ATXN7L3B: variants seen among roughly 807,000 people sequenced by gnomAD.
The protein encoded by ATXN7L3B is ataxin-7-like protein 3B.
ATXN7L3B carries 4 observed loss-of-function variants against 6.3 expected under a neutral mutation model. The observed-to-expected ratio is 0.63, with a 90% confidence interval of 0.31 to 1.45. The LOEUF (loss-of-function observed/expected upper bound fraction) is 1.45. Among genes scored for constraint, ATXN7L3B ranks in the 40% most tolerant of loss-of-function variants. The pLI is 0.07. For synonymous variants in ATXN7L3B, 63 were observed against 48.0 expected, an observed-to-expected ratio of 1.31 and a Z score of -1.29; for missense variants, 120 against 118.5, an observed-to-expected ratio of 1.01 and a Z score of -0.06.
chr12:74,537,997 G>T lies in ATXN7L3B; in HGVS notation c.-116G>T. 1.0e-6 allele frequency: 1 copy of T among 980,046 alleles called. No homozygotes were observed. The allele number at this position is 980,046 out of a possible 1,614,324, so 60.7% of individuals were successfully genotyped here. On this transcript the variant is annotated 5_prime_UTR_variant, in exon 1 of 1. Coordinates refer to ENST00000519948, the MANE Select transcript of ATXN7L3B (RefSeq NM_001136262.2). ...TGCAGTTGCGGACGCCACCGACCCCGCCGCCGGAGGACTGGGCACTGAAAG... is the reference window on the plus strand; with the variant it reads ...TGCAGTTGCGGACGCCACCGACCCCTCCGCCGGAGGACTGGGCACTGAAAG...
rs781336704 is a variant in ATXN7L3B, at chr12:74,538,167, C to T, written c.55C>T (p.Gln19Ter). 6.3e-7 allele frequency: 1 copy of T among 1,589,624 alleles called. No individual in the cohort carries two copies. Among genetic ancestry groups the T allele is most frequent in the Non-Finnish European group, 8.6e-7 (1 of 1,167,928 alleles). Residue 19 changes from glutamine (Q) to a stop codon, truncating the protein, a stop_gained, in exon 1 of 1, where the codon CAG becomes TAG. Transcript: ENST00000519948. LOFTEE classifies it high-confidence loss of function. Reference protein sequence around the residue: ...LDTNKLEAIAQEIYVDLIEDS... With the variant: ...LDTNKLEAIA ...TACTAACAAGCTAGAGGCCATCGCTCAGGAGATTTACGTAGACCTGATAGA... is the reference window on the plus strand; with the variant it reads ...TACTAACAAGCTAGAGGCCATCGCTTAGGAGATTTACGTAGACCTGATAGA...
rs1443956434 is a variant in ATXN7L3B at position 74,540,351 on chromosome 12, CAG to C, written c.*1946_*1947del. On this transcript the variant is annotated 3_prime_UTR_variant, in exon 1 of 1. Transcript: ENST00000519948. ...AGAGCAGTAAAGGCTGATTGACACA[CAG>C]GGGGATGGAGTTGGTCCTTGTCCAT... is the stretch of plus-strand genomic sequence containing the variant. 1.2e-5 allele frequency: 2 copies of C among 167,102 alleles called. No homozygotes were observed. Among genetic ancestry groups the C allele is most frequent in the African/African-American group, 2.4e-5 (1 of 41,458 alleles). 10.4% of individuals were successfully genotyped at this position (167,102 alleles called of 1,614,324 possible).
rs1232815053 is a variant in ATXN7L3B at position 74,542,560 on chromosome 12, C to A, written c.*4154C>A. On this transcript the variant is annotated 3_prime_UTR_variant, in exon 1 of 1. Transcript: ENST00000519948. ...TCTTATGTTTTCTGACTAGTATGAT[C>A]TTTAAAGAAAAAAAAAAACACATTG... is the stretch of plus-strand genomic sequence containing the variant. 3 of 75,316 alleles carry A rather than the reference C, an allele frequency of 4.0e-5. No homozygotes were observed. Among genetic ancestry groups the A allele is most frequent in the Non-Finnish European group, 9.8e-5 (3 of 30,560 alleles). The allele number at this position is 75,316 out of a possible 1,614,324, so 4.7% of individuals were successfully genotyped here. A position where few individuals can be genotyped will look rare whatever the true frequency, so the allele number is the denominator to read the frequency against.
In ATXN7L3B at chr12:74,538,517, T is replaced by TC. The variant is rs1228270030; in HGVS notation, c.*116dup. 9.8e-7 allele frequency: 1 copy of TC among 1,024,510 alleles called. No homozygotes were observed. The highest frequency in any genetic ancestry group is 1.4e-6 in the Non-Finnish European group (1 of 711,132). 63.5% of individuals were successfully genotyped at this position (1,024,510 alleles called of 1,614,324 possible). On this transcript the variant is annotated 3_prime_UTR_variant, in exon 1 of 1. Coordinates refer to ENST00000519948, the MANE Select transcript of ATXN7L3B (RefSeq NM_001136262.2). The stretch of plus-strand genomic sequence containing the variant: ...AGAAAAATCAGACAAAAGTTTTAAT[T>TC]CCCCCTTGAAGATCCTAGCATTTAA...
rs1868977117 is a variant in ATXN7L3B at position 74,544,545 on chromosome 12, T to C, written c.*6139T>C. On this transcript the variant is annotated 3_prime_UTR_variant, in exon 1 of 1. Transcript: ENST00000519948. ...ATGTCTTGATGTGTGGTTAAATTTG[T>C]ATTATAATCAGTGGAATATAAACCA... The C allele has an allele frequency of 6.6e-6, 1 of 152,010 alleles. No homozygotes were observed. 9.4% of individuals were successfully genotyped at this position (152,010 alleles called of 1,614,324 possible). A position where few individuals can be genotyped will look rare whatever the true frequency, so the allele number is the denominator to read the frequency against.
In ATXN7L3B at chr12:74,539,564, GTCA is replaced by G. The variant is rs1868828120; in HGVS notation, c.*1159_*1161del. 1.0e-5 allele frequency: 1 copy of G among 99,316 alleles called. No individual in the cohort carries two copies. The highest frequency in any genetic ancestry group is 2.1e-5 in the Non-Finnish European group (1 of 47,754). 6.2% of individuals were successfully genotyped at this position (99,316 alleles called of 1,614,324 possible). A position where few individuals can be genotyped will look rare whatever the true frequency, so the allele number is the denominator to read the frequency against. ...TGTCCCTGTTTTCTTTGGTTGGGCA[GTCA>G]GAGCTCTGCTATGGTGAACATCCAG... On this transcript the variant is annotated 3_prime_UTR_variant, in exon 1 of 1. Coordinates refer to ENST00000519948, the MANE Select transcript of ATXN7L3B (RefSeq NM_001136262.2).
Position 74,537,951 on chromosome 12 carries a change from AGTCGCCCCTATCGCTGCTCCT to A in ATXN7L3B, c.-160_-140del. The A allele has an allele frequency of 1.6e-6, 1 of 633,638 alleles. No individual in the cohort carries two copies. Among genetic ancestry groups the A allele is most frequent in the Non-Finnish European group, 2.7e-6 (1 of 365,114 alleles). The allele number at this position is 633,638 out of a possible 1,614,324, so 39.3% of individuals were successfully genotyped here. On this transcript the variant is annotated 5_prime_UTR_variant, in exon 1 of 1. Transcript: ENST00000519948. ...ACAGAAGGACTTGGGATTCCGGAGC[AGTCGCCCCTATCGCTGCTCCT>A]GCAGTTGCGGACGCCACCGACCCCG...
rs1868967053 is a variant in ATXN7L3B at position 74,544,202 on chromosome 12, G to A, written c.*5796G>A. The A allele has an allele frequency of 6.6e-6, 1 of 151,960 alleles. No individual in the cohort carries two copies. Among genetic ancestry groups the A allele is most frequent in the South Asian group, 2.1e-4 (1 of 4,834 alleles). 9.4% of individuals were successfully genotyped at this position (151,960 alleles called of 1,614,324 possible). ...ACAGTCCTATGAAATAATATCACAA[G>A]AACTGTGTAAGATTTTATAAAGAAA... On this transcript the variant is annotated 3_prime_UTR_variant, in exon 1 of 1. Coordinates refer to ENST00000519948, the MANE Select transcript of ATXN7L3B (RefSeq NM_001136262.2).
rs1056110805 is a variant in ATXN7L3B, at chr12:74,541,622, A to G, written c.*3216A>G. On this transcript the variant is annotated 3_prime_UTR_variant, in exon 1 of 1. Transcript: ENST00000519948. ...ACCTTGTTTCTCAATTTGGCCTGCA[A>G]ATTTAACTGTCTGTAGCATCCAGTG... 1 of 152,200 alleles carries G rather than the reference A, an allele frequency of 6.6e-6. No individual in the cohort carries two copies. The highest frequency in any genetic ancestry group is 2.4e-5 in the African/African-American group (1 of 41,436). 9.4% of individuals were successfully genotyped at this position (152,200 alleles called of 1,614,324 possible).
Position 74,538,478 on chromosome 12 carries a change from A to T in ATXN7L3B, c.*72A>T. The T allele has an allele frequency of 7.8e-7, 1 of 1,286,842 alleles. No homozygotes were observed. Among genetic ancestry groups the T allele is most frequent in the Non-Finnish European group, 1.1e-6 (1 of 948,438 alleles). The allele number at this position is 1,286,842 out of a possible 1,614,324, so 79.7% of individuals were successfully genotyped here. On this transcript the variant is annotated 3_prime_UTR_variant, in exon 1 of 1. Coordinates refer to ENST00000519948, the MANE Select transcript of ATXN7L3B (RefSeq NM_001136262.2). ...GTCCTGTGGCTTCGAGGAGTAAGCT[A>T]AGTAGAAAAAAGTAGAAAAATCAGA...
Position 74,538,518 on chromosome 12 carries a change from C to A in ATXN7L3B, c.*112C>A. 1 of 1,013,166 alleles carries A rather than the reference C, an allele frequency of 9.9e-7. No individual in the cohort carries two copies. The highest frequency in any genetic ancestry group is 1.4e-6 in the Non-Finnish European group (1 of 700,646). 62.8% of individuals were successfully genotyped at this position (1,013,166 alleles called of 1,614,324 possible). The stretch of plus-strand genomic sequence containing the variant: ...GAAAAATCAGACAAAAGTTTTAATT[C>A]CCCCTTGAAGATCCTAGCATTTAAA... On this transcript the variant is annotated 3_prime_UTR_variant, in exon 1 of 1. Transcript: ENST00000519948.
rs559043121 is a variant in ATXN7L3B, at chr12:74,541,050, ACCTT to A, written c.*2649_*2652del. The A allele has an allele frequency of 1.2e-5, 2 of 166,442 alleles. No homozygotes were observed. The highest frequency in any genetic ancestry group is 2.9e-5 in the Non-Finnish European group (2 of 68,092). The allele number at this position is 166,442 out of a possible 1,614,324, so 10.3% of individuals were successfully genotyped here. A position where few individuals can be genotyped will look rare whatever the true frequency, so the allele number is the denominator to read the frequency against. On this transcript the variant is annotated 3_prime_UTR_variant, in exon 1 of 1. Coordinates refer to ENST00000519948, the MANE Select transcript of ATXN7L3B (RefSeq NM_001136262.2). ...TTAGGAACTCTCCCTTTCCCTACCT[ACCTT>A]CCTTTTAATAGCAGAATTCCTATTT... is the stretch of plus-strand genomic sequence containing the variant.
In ATXN7L3B at chr12:74,540,643, T is replaced by C. The variant is rs1480666524; in HGVS notation, c.*2237T>C. 1.2e-5 allele frequency: 2 copies of C among 166,998 alleles called. No individual in the cohort carries two copies. The highest frequency in any genetic ancestry group is 1.3e-4 in the Admixed American group (2 of 15,284). 10.3% of individuals were successfully genotyped at this position (166,998 alleles called of 1,614,324 possible). A position where few individuals can be genotyped will look rare whatever the true frequency, so the allele number is the denominator to read the frequency against. ...TGGAGATATCTTTGCCCTTGACTTG[T>C]AGACGACATCTAAGAGGATGAAGAA... On this transcript the variant is annotated 3_prime_UTR_variant, in exon 1 of 1. Coordinates refer to ENST00000519948, the MANE Select transcript of ATXN7L3B (RefSeq NM_001136262.2).
At position 74,538,703 on chromosome 12, in the gene ATXN7L3B, G is replaced by A; in HGVS notation, c.*297G>A. 2.5e-6 allele frequency: 1 copy of A among 393,988 alleles called. No homozygotes were observed. Among genetic ancestry groups the A allele is most frequent in the Non-Finnish European group, 4.8e-6 (1 of 206,532 alleles). 24.4% of individuals were successfully genotyped at this position (393,988 alleles called of 1,614,324 possible). A position where few individuals can be genotyped will look rare whatever the true frequency, so the allele number is the denominator to read the frequency against. On this transcript the variant is annotated 3_prime_UTR_variant, in exon 1 of 1. Transcript: ENST00000519948. ...TGCGCAAGATCCTGTAGTGCCCCCA[G>A]TGCACAGGTGAGCAGTTGTGTGCCC...
chr12:74,541,138 GTGTGTGTA>G lies in ATXN7L3B; in HGVS notation c.*2740_*2747del, dbSNP rs1468646075. 8 of 136,352 alleles carry G rather than the reference GTGTGTGTA, an allele frequency of 5.9e-5. No homozygotes were observed. The highest frequency in any genetic ancestry group is 7.6e-4 in the East Asian group (1 of 1,318). The allele number at this position is 136,352 out of a possible 1,614,324, so 8.4% of individuals were successfully genotyped here. A position where few individuals can be genotyped will look rare whatever the true frequency, so the allele number is the denominator to read the frequency against. On this transcript the variant is annotated 3_prime_UTR_variant, in exon 1 of 1. Coordinates refer to ENST00000519948, the MANE Select transcript of ATXN7L3B (RefSeq NM_001136262.2). ...TCCTATTATGTATCTGAGTGTGTGT[GTGTGTGTA>G]TGTGTGTGTTATGGGGGAAGGGGGG...
rs566685142 is a variant in ATXN7L3B, at chr12:74,540,734, G to A, written c.*2328G>A. 1.2e-5 allele frequency: 2 copies of A among 167,226 alleles called. No individual in the cohort carries two copies. Among genetic ancestry groups the A allele is most frequent in the East Asian group, 3.9e-4 (2 of 5,184 alleles). 10.4% of individuals were successfully genotyped at this position (167,226 alleles called of 1,614,324 possible). Reference sequence around the variant, plus strand: ...GTCTTGGAAGTGGGATGATGGTAAAGGAGAAAGGCCACAGTCCAATCCCTC... The same window carrying A: ...GTCTTGGAAGTGGGATGATGGTAAAAGAGAAAGGCCACAGTCCAATCCCTC... On this transcript the variant is annotated 3_prime_UTR_variant, in exon 1 of 1. Transcript: ENST00000519948.
rs1306199717 is a variant in ATXN7L3B at position 74,538,322 on chromosome 12, C to T, written c.210C>T (p.Cys70=). Residue 70 remains cysteine, a synonymous_variant, in exon 1 of 1, where the codon TGC becomes TGT. Coordinates refer to ENST00000519948, the MANE Select transcript of ATXN7L3B (RefSeq NM_001136262.2). ...AGCCAGTGGAAGACAAAGGAGCGTG[C>T]CGCCTCCCGCTTTGCTCCCTTCCCG... ...GIQPVEDKGA[C]RLPLCSLPGE... 1.3e-6 allele frequency: 2 copies of T among 1,553,096 alleles called. No homozygotes were observed. The highest frequency in any genetic ancestry group is 1.7e-6 in the Non-Finnish European group (2 of 1,147,896).
Position 74,538,334 on chromosome 12 carries a change from T to G in ATXN7L3B, c.222T>G (p.Leu74=), listed in dbSNP as rs1565675664. Residue 74 remains leucine (L), a synonymous_variant, in exon 1 of 1, where the codon CTT becomes CTG. Coordinates refer to ENST00000519948, the MANE Select transcript of ATXN7L3B (RefSeq NM_001136262.2). ...VEDKGACRLP[L]CSLPGEPGNG... ...ACAAAGGAGCGTGCCGCCTCCCGCT[T>G]TGCTCCCTTCCCGGAGAACCTGGGA... The G allele has an allele frequency of 1.3e-6, 2 of 1,552,434 alleles. No individual in the cohort carries two copies. The highest frequency in any genetic ancestry group is 1.7e-6 in the Non-Finnish European group (2 of 1,147,370).
rs1221943994 is a variant in ATXN7L3B at position 74,539,443 on chromosome 12, C to CT, written c.*1040dup. On this transcript the variant is annotated 3_prime_UTR_variant, in exon 1 of 1. Coordinates refer to ENST00000519948, the MANE Select transcript of ATXN7L3B (RefSeq NM_001136262.2). ...GTTTGAAAACTGAGCCCAGAGGGCACTTTCAGCTGCCCTCAATAATGTGAA... is the reference window on the plus strand; with the variant it reads ...GTTTGAAAACTGAGCCCAGAGGGCACTTTTCAGCTGCCCTCAATAATGTGAA... 2.4e-5 allele frequency: 4 copies of CT among 167,276 alleles called. No homozygotes were observed. The highest frequency in any genetic ancestry group is 1.3e-4 in the Admixed American group (2 of 15,294). The allele number at this position is 167,276 out of a possible 1,614,324, so 10.4% of individuals were successfully genotyped here.
Sources: gnomAD v4.1 joint callset for allele counts on GRCh38, gnomAD v4.1.1 for gene constraint, MANE v1.5 for transcripts, NCBI Gene and HGNC (gene_info 2026-07-23, HGNC 2026-07-21) for gene names.